Variants in BCKDHB observed in about 807,000 individuals in gnomAD.
The protein encoded by BCKDHB is 2-oxoisovalerate dehydrogenase subunit beta, mitochondrial.
Under a neutral mutation model 48.5 loss-of-function variants are expected in BCKDHB, and 41 were observed. That is an observed-to-expected ratio of 0.85 (90% CI 0.66 to 1.10). The LOEUF (loss-of-function observed/expected upper bound fraction) is 1.10, where lower values mean the gene tolerates loss of function less well. Ranked by LOEUF, BCKDHB falls within the 50% of genes least tolerant of loss-of-function variation. The pLI is 0.00. For synonymous variants in BCKDHB, 201 were observed against 174.8 expected, an observed-to-expected ratio of 1.15 and a Z score of -1.18; for missense variants, 496 against 494.2, an observed-to-expected ratio of 1.00 and a Z score of -0.03.
At chr6:80,334,622 C>T (rs1162812416) in intron 9 of BCKDHB, among the ~76,000 whole-genome samples, 1 of 134,756 alleles carries the variant, frequency 7.4e-6, no homozygotes, top group African/African-American at 2.8e-5. Flanking sequence ...TGCTATGGCA[C>T]CCAAGATTAA....
intron 9 of BCKDHB, among the ~76,000 whole-genome samples, chr6:80,294,253 A>C (rs1767101117): frequency 6.6e-6 from 1 of 152,194 alleles, no homozygotes; most frequent in African/African-American, 2.4e-5. Context: ...ATAATTTCTT[A>C]TGCCTATCTT....
At chr6:80,415,802 G>A in the BCKDHB span, among the ~76,000 whole-genome samples, 2 of 152,030 alleles carry the variant, frequency 1.3e-5, no homozygotes, top group Admixed American at 6.6e-5. Context: ...AGTTGGGTAG[G>A]AGTCCTTCTT....
At chr6:80,394,137 C>T in the BCKDHB span, among the ~76,000 whole-genome samples, 1,985 of 152,184 alleles carry the variant, frequency 0.013, 42 homozygotes, top group African/African-American at 0.045. Context: ...GAATATTTAT[C>T]TCTAAGATTC....
the BCKDHB span, among the ~76,000 whole-genome samples, chr6:80,405,990 A>G: frequency 6.6e-6 from 1 of 150,900 alleles, no homozygotes; most frequent in Non-Finnish European, 1.5e-5. Context: ...CCCCGCCCCC[A>G]CCAGGCCCCA....
intron 6 of BCKDHB, among the ~76,000 whole-genome samples, chr6:80,175,801 A>G (rs1256067293): frequency 3.3e-5 from 5 of 152,324 alleles, no homozygotes; most frequent in Admixed American, 1.3e-4. Context: ...AAGATATAAG[A>G]AATATATTCT....
chr6:80,291,472 A>G (rs1461653080), intron 9 of BCKDHB, among the ~76,000 whole-genome samples: 5 of 152,348 alleles, frequency 3.3e-5, no homozygotes, highest in Middle Eastern at 6.8e-3. Flanking sequence ...CACAAAGAGT[A>G]CAACAGCAAT....
intron 1 of BCKDHB, among the ~76,000 whole-genome samples, chr6:80,123,265 G>T (rs999558211): frequency 2.6e-5 from 4 of 152,148 alleles, no homozygotes; most frequent in African/African-American, 9.7e-5. Flanking sequence ...AATTATCACA[G>T]TGGTCCTGAG....
chr6:80,340,225 G>T (rs1741276941), intron 9 of BCKDHB, among the ~76,000 whole-genome samples: 1 of 152,214 alleles, frequency 6.6e-6, no homozygotes, highest in Non-Finnish European at 1.5e-5. Context: ...CCTGTCATAT[G>T]TGCTTTCACA....
the BCKDHB span, among the ~76,000 whole-genome samples, chr6:80,407,142 G>A: frequency 5.3e-4 from 80 of 152,154 alleles, no homozygotes; most frequent in African/African-American, 1.9e-3. Context: ...TTTTTGTCAG[G>A]TTTGTCAAAG....
At chr6:80,205,791 G>GGGGGGT (rs1554195542) in intron 8 of BCKDHB, among the ~76,000 whole-genome samples, 2 of 135,106 alleles carry the variant, frequency 1.5e-5, no homozygotes, top group Admixed American at 7.5e-5. Flanking sequence ...CTGTGCCATG[G>GGGGGGT]GTGTGTGTGT....
chr6:80,204,667 CTATA>C (rs3842604), intron 8 of BCKDHB, among the ~76,000 whole-genome samples: 1 of 149,042 alleles, frequency 6.7e-6, no homozygotes, highest in East Asian at 1.9e-4. Flanking sequence ...ACGTATCTAT[CTATA>C]TATATATAAA....
At chr6:80,196,292 C>T (rs9341806) in intron 6 of BCKDHB, among the ~76,000 whole-genome samples, 10,390 of 152,116 alleles carry the variant, frequency 0.068, 386 homozygotes, top group African/African-American at 0.1. Context: ...CATGGTTTCA[C>T]GCTTGTGTAT....
intron 9 of BCKDHB, among the ~76,000 whole-genome samples, chr6:80,295,061 G>A (rs748942029): frequency 1.3e-5 from 2 of 152,048 alleles, no homozygotes; most frequent in Admixed American, 1.3e-4. Context: ...CAGTCCTACC[G>A]ATATGTGATG....
chr6:80,466,370 C>T, the BCKDHB span, among the ~76,000 whole-genome samples: 1 of 152,044 alleles, frequency 6.6e-6, no homozygotes, highest in Non-Finnish European at 1.5e-5. Flanking sequence ...TGAGAAAGAG[C>T]ATGTCAGATT....
the BCKDHB span, among the ~76,000 whole-genome samples, chr6:80,450,984 C>A: frequency 1.7e-3 from 266 of 152,192 alleles, 7 homozygotes; most frequent in East Asian, 0.049. Flanking sequence ...ATAATCTATT[C>A]CATAAGAAGT....
chr6:80,107,520 T>C (rs867887543), intron 1 of BCKDHB, among the ~76,000 whole-genome samples: 15 of 131,682 alleles, frequency 1.1e-4, no homozygotes, highest in Admixed American at 6.5e-4. Flanking sequence ...TGCGCATATA[T>C]ATATATATGC....
the BCKDHB span, among the ~76,000 whole-genome samples, chr6:80,416,691 A>C: frequency 6.6e-6 from 1 of 152,000 alleles, no homozygotes; most frequent in East Asian, 1.9e-4. Context: ...GGAGTATTTT[A>C]CTTCTGATTA....
chr6:80,117,590 A>T (rs1253775454), intron 1 of BCKDHB, among the ~76,000 whole-genome samples: 1 of 152,234 alleles, frequency 6.6e-6, no homozygotes, highest in Non-Finnish European at 1.5e-5. Context: ...TTGTGGGTTT[A>T]CGGGGATGAG....
At chr6:80,234,625 A>G (rs1372594671) in intron 8 of BCKDHB, among the ~76,000 whole-genome samples, 3 of 152,176 alleles carry the variant, frequency 2.0e-5, no homozygotes, top group South Asian at 4.1e-4. Context: ...GGGAAGCAGT[A>G]TGGAGACTCC....
Sources: allele counts gnomAD v4.1 joint callset (sites outside exome capture counted in the v4.1 genomes callset), GRCh38; gene constraint gnomAD v4.1.1; transcripts MANE v1.5; gene names NCBI Gene and HGNC (gene_info 2026-07-23, HGNC 2026-07-21).